ARID1B: variants seen among roughly 807,000 people sequenced by gnomAD.
ARID1B encodes AT-rich interaction domain 1B, also known as AT-rich interactive domain-containing protein 1B.
A neutral mutation model predicts 212.3 loss-of-function variants in ARID1B; 30 were observed. The observed-to-expected ratio is 0.14, with a 90% CI of 0.11 to 0.19. The LOEUF is 0.19. ARID1B is among the 10% of genes least tolerant of loss of function. ARID1B has a pLI of 1.00. For missense variants in ARID1B, 2,891 were observed against 3,204.0 expected (o/e 0.90, Z 2.36); for synonymous variants, 1,402 against 1,301.7 (o/e 1.08, Z -1.66).
intron 7 of ARID1B, among the ~76,000 whole-genome samples, chr6:157,133,494 G>T (rs543381571): frequency 6.6e-6 from 1 of 152,310 alleles, no homozygotes; most frequent in African/African-American, 2.4e-5. Flanking sequence ...CTGTGACGTG[G>T]TTCTAAACGT....
chr6:156,932,793 A>G (rs904680185), intron 3 of ARID1B, among the ~76,000 whole-genome samples: 2 of 152,326 alleles, frequency 1.3e-5, no homozygotes, highest in South Asian at 2.1e-4. Context: ...TAAACTTGGC[A>G]CCTTTTCTAT....
intron 4 of ARID1B, among the ~76,000 whole-genome samples, chr6:157,083,486 T>C (rs9371447): frequency 0.55 from 84,210 of 151,954 alleles, 23,660 homozygotes; most frequent in Admixed American, 0.64. Flanking sequence ...AGTAAAGGCT[T>C]TGTCTGCGTC....
In ARID1B at chr6:156,778,204, A is replaced by ATGC. The variant is rs1778796455; in HGVS notation, c.524_525insTGC (p.His175_His176insAla). 2 of 1,538,698 alleles carry ATGC rather than the reference A, an allele frequency of 1.3e-6. No homozygotes were observed. Among genetic ancestry groups the ATGC allele is most frequent in the African/African-American group, 2.8e-5 (2 of 72,688 alleles). ...CACCACCACCACCACCATGCCCACCACCACCACCACCATGCCCACCACCTC... is the reference window on the plus strand; with the variant it reads ...CACCACCACCACCACCATGCCCACCATGCCCACCACCACCATGCCCACCACCTC... On this transcript the variant is annotated inframe_insertion, in exon 1 of 20. Transcript: ENST00000636930.
In ARID1B at chr6:157,208,477, A is replaced by G. The variant is rs1368920819; in HGVS notation, c.*586A>G. The G allele has an allele frequency of 4.3e-6, 1 of 233,280 alleles. No individual in the cohort carries two copies. The highest frequency in any genetic ancestry group is 8.5e-6 in the Non-Finnish European group (1 of 117,878). 14.5% of individuals were successfully genotyped at this position (233,280 alleles called of 1,614,324 possible). A position where few individuals can be genotyped will look rare whatever the true frequency, so the allele number is the denominator to read the frequency against. On this transcript the variant is annotated 3_prime_UTR_variant, in exon 20 of 20. Coordinates refer to ENST00000636930, the MANE Select transcript of ARID1B (RefSeq NM_001374828.1). ...AAATGATACTGGTTTCTCCACAGGA[A>G]TATGGTTCCATTAGGCTGGGAGCAA... is the stretch of plus-strand genomic sequence containing the variant.
chr6:156,913,723 C>T (rs995100746), intron 3 of ARID1B, among the ~76,000 whole-genome samples: 1 of 145,558 alleles, frequency 6.9e-6, no homozygotes, highest in Non-Finnish European at 1.5e-5. Context: ...CACCATCCTA[C>T]TATCCACTTC....
At chr6:157,121,010 C>T (rs1172695769) in intron 6 of ARID1B, among the ~76,000 whole-genome samples, 1 of 152,166 alleles carries the variant, frequency 6.6e-6, no homozygotes, top group Non-Finnish European at 1.5e-5. Flanking sequence ...CTTGACTCTA[C>T]TTTTTCCAAC....
intron 5 of ARID1B, among the ~76,000 whole-genome samples, chr6:157,087,100 CTTGGTAAAGCTA>C (rs763776007): frequency 7.9e-5 from 12 of 152,170 alleles, no homozygotes; most frequent in Non-Finnish European, 1.6e-4. Context: ...CTATATGGTG[CTTGGTAAAGCTA>C]TTCAATGAAA....
intron 2 of ARID1B, among the ~76,000 whole-genome samples, chr6:156,880,760 A>AAAGG (rs1554262812): frequency 2.1e-5 from 2 of 96,590 alleles, no homozygotes; most frequent in African/African-American, 8.4e-5. Context: ...AAAAAAAAAA[A>AAAGG]AAAAGAAAAG....
At chr6:156,843,460 G>C (rs1185196299) in intron 2 of ARID1B, among the ~76,000 whole-genome samples, 6 of 152,200 alleles carry the variant, frequency 3.9e-5, no homozygotes, top group Non-Finnish European at 1.5e-5. Flanking sequence ...GCCGTAACTG[G>C]GGCTTTGCTC....
At chr6:156,796,401 C>CTTT (rs11449405) in intron 1 of ARID1B, among the ~76,000 whole-genome samples, 5 of 142,240 alleles carry the variant, frequency 3.5e-5, no homozygotes, top group African/African-American at 5.2e-5. Context: ...TGGACCTTTA[C>CTTT]TTTTTTTTTT....
At chr6:157,107,175 A>T (rs1285825886) in intron 5 of ARID1B, among the ~76,000 whole-genome samples, 1 of 152,220 alleles carries the variant, frequency 6.6e-6, no homozygotes, top group Non-Finnish European at 1.5e-5. Context: ...ACTGAACAGT[A>T]CTGTTCAAAG....
At chr6:156,836,721 G>T (rs1178600017) in intron 2 of ARID1B, among the ~76,000 whole-genome samples, 1 of 152,214 alleles carries the variant, frequency 6.6e-6, no homozygotes, top group Non-Finnish European at 1.5e-5. Flanking sequence ...ATGGAGTGCA[G>T]TGGCACGATC....
intron 1 of ARID1B, among the ~76,000 whole-genome samples, chr6:156,792,927 C>T (rs190306087): frequency 2.0e-5 from 3 of 151,878 alleles, no homozygotes; most frequent in Non-Finnish European, 4.4e-5. Context: ...TCCTTTTATC[C>T]GAGGATGACT....
chr6:157,074,453 G>A (rs900261744), intron 4 of ARID1B, among the ~76,000 whole-genome samples: 10 of 152,096 alleles, frequency 6.6e-5, no homozygotes, highest in East Asian at 3.9e-4. Flanking sequence ...TCGAACTCCC[G>A]AGCTCAGATG....
intron 4 of ARID1B, among the ~76,000 whole-genome samples, chr6:157,072,785 C>A (rs975686254): frequency 8.5e-5 from 13 of 152,138 alleles, no homozygotes; most frequent in Non-Finnish European, 1.6e-4. Context: ...GTTCTCTCAG[C>A]CTCTTTGAGA....
chr6:157,068,866 G>A (rs1037874363), intron 4 of ARID1B, among the ~76,000 whole-genome samples: 4 of 152,186 alleles, frequency 2.6e-5, no homozygotes, highest in African/African-American at 9.7e-5. Flanking sequence ...TCCTAATGTA[G>A]TCTGTGTTTG....
intron 2 of ARID1B, among the ~76,000 whole-genome samples, chr6:156,838,732 T>TAATAATAATAAA (rs1229798384): frequency 2.0e-5 from 3 of 149,174 alleles, no homozygotes; most frequent in Non-Finnish European, 3.0e-5. Context: ...ATAATAATAA[T>TAATAATAATAAA]AAACAAAAAA....
At chr6:157,173,320 G>C (rs1210632144) in intron 9 of ARID1B, 1 of 152,312 alleles carries the variant, frequency 6.6e-6, no homozygotes, top group Non-Finnish European at 1.5e-5. Context: ...TGACTCTGGA[G>C]CTGCTGTGGG....
intron 1 of ARID1B, among the ~76,000 whole-genome samples, chr6:156,816,197 G>C (rs1781949696): frequency 2.6e-5 from 4 of 152,158 alleles, no homozygotes; most frequent in Non-Finnish European, 4.4e-5. Flanking sequence ...CTTGGAATAG[G>C]AGATGGATGT....
Sources: gnomAD v4.1 joint callset for allele counts (sites outside exome capture counted in the v4.1 genomes callset) on GRCh38, gnomAD v4.1.1 for gene constraint, MANE v1.5 for transcripts, NCBI Gene and HGNC (gene_info 2026-07-23, HGNC 2026-07-21) for gene names.